Variants in RPS6KA5 observed in about 807,000 individuals in gnomAD.
RPS6KA5 encodes ribosomal protein S6 kinase alpha-5.
Under a neutral mutation model 85.5 loss-of-function variants are expected in RPS6KA5, and 27 were observed. The observed-to-expected ratio is 0.32, with a 90% CI of 0.23 to 0.44. The LOEUF (loss-of-function observed/expected upper bound fraction) is 0.44, where lower values mean the gene tolerates loss of function less well. Among genes scored for constraint, RPS6KA5 ranks in the 20% least tolerant of loss-of-function variants. RPS6KA5 has a pLI of 1.00. For synonymous variants in RPS6KA5, 334 were observed against 348.2 expected (o/e 0.96, Z 0.46); for missense variants, 811 against 980.9 (o/e 0.83, Z 2.31).
At chr14:90,906,025 G>A (rs776345931) in intron 8 of RPS6KA5, 124 bp downstream of exon 8, 76 of 909,462 alleles carry the variant, frequency 8.4e-5, no homozygotes, top group Non-Finnish European at 1.1e-4. Flanking sequence ...AAGGTGCAAT[G>A]TACGTGAAAA....
At chr14:90,985,093 C>A (rs539011956) in intron 2 of RPS6KA5, among the ~76,000 whole-genome samples, 1 of 152,154 alleles carries the variant, frequency 6.6e-6, no homozygotes, top group South Asian at 2.1e-4. Context: ...ACGCATGCGC[C>A]ACCACGCCCA....
In RPS6KA5 at chr14:90,856,360, A is replaced by ATTT. The variant is rs756400550; in HGVS notation, c.*15711_*15713dup. On this transcript the variant is annotated 3_prime_UTR_variant, in exon 17 of 17. Coordinates refer to ENST00000614987, the MANE Select transcript of RPS6KA5 (RefSeq NM_004755.4). Reference sequence around the variant, plus strand: ...GCTACAGCCTTTCTAGCTATGCGTGATTTTTTTTTTTTTTTTTTTTGAGAC... The same window carrying ATTT: ...GCTACAGCCTTTCTAGCTATGCGTGATTTTTTTTTTTTTTTTTTTTTTTGAGAC... 7.3e-3 allele frequency: 928 copies of ATTT among 126,600 alleles called. 26 individuals carry two copies. The highest frequency in any genetic ancestry group is 0.026 in the African/African-American group (864 of 32,670). The allele number at this position is 126,600 out of a possible 1,614,324, so 7.8% of individuals were successfully genotyped here.
Position 90,947,451 on chromosome 14 carries a change from A to T in RPS6KA5, c.494T>A (p.Leu165His). The change falls in exon 4 of 17, where the codon CTC becomes CAC. Residue 165 changes from leucine to histidine, a missense_variant. This residue lies in a region of RPS6KA5 where 650 missense variants were observed against 793.4 expected (regional missense o/e 0.82). Coordinates refer to ENST00000614987, the MANE Select transcript of RPS6KA5 (RefSeq NM_004755.4). ...GAGTCTTACCTTGTGGAGATGTTCG[A>T]GGGCAAGCACAATCTCTCCAACATA... is the stretch of plus-strand genomic sequence containing the variant. ...QIYVGEIVLA[L>H]EHLHKLGIIY... 1 of 1,604,120 alleles carries T rather than the reference A, an allele frequency of 6.2e-7. No individual in the cohort carries two copies. The highest frequency in any genetic ancestry group is 8.5e-7 in the Non-Finnish European group (1 of 1,171,050).
At chr14:90,952,196 TA>T (rs1280659411) in intron 3 of RPS6KA5, among the ~76,000 whole-genome samples, 2 of 152,232 alleles carry the variant, frequency 1.3e-5, no homozygotes, top group Non-Finnish European at 2.9e-5. Flanking sequence ...AGAGTTGTGT[TA>T]AGCCTCCTTA....
intron 3 of RPS6KA5, among the ~76,000 whole-genome samples, chr14:90,976,202 GAAAAAAAAAAA>G (rs5810526): frequency 5.5e-5 from 6 of 109,068 alleles, no homozygotes; most frequent in South Asian, 3.1e-4. Context: ...TAAGAGAACA[GAAAAAAAAAAA>G]AAAAAAAAAG....
chr14:90,944,554 G>A (rs1201182673), intron 4 of RPS6KA5, among the ~76,000 whole-genome samples: 31 of 152,094 alleles, frequency 2.0e-4, no homozygotes, highest in African/African-American at 5.8e-4. Context: ...TCAAGAGTTC[G>A]AGACCAGCCT....
At chr14:91,020,775 T>C (rs1434910195) in intron 1 of RPS6KA5, among the ~76,000 whole-genome samples, 1 of 152,068 alleles carries the variant, frequency 6.6e-6, no homozygotes, top group African/African-American at 2.4e-5. Flanking sequence ...TAATCAGATA[T>C]TGCCTTTATT....
rs2032952416 is a variant in RPS6KA5 at position 90,869,327 on chromosome 14, A to C, written c.*2747T>G. 6.6e-6 allele frequency: 1 copy of C among 152,194 alleles called. No homozygotes were observed. The highest frequency in any genetic ancestry group is 2.1e-4 in the South Asian group (1 of 4,832). 9.4% of individuals were successfully genotyped at this position (152,194 alleles called of 1,614,324 possible). On this transcript the variant is annotated 3_prime_UTR_variant, in exon 17 of 17. Coordinates refer to ENST00000614987, the MANE Select transcript of RPS6KA5 (RefSeq NM_004755.4). ...CAGGCCTGAGCCACCACACTCAGCC[A>C]ATCAATTTCAAAATGCTAATTAACC...
chr14:90,945,467 C>T (rs1261768219), intron 4 of RPS6KA5, among the ~76,000 whole-genome samples: 1 of 152,192 alleles, frequency 6.6e-6, no homozygotes, highest in African/African-American at 2.4e-5. Flanking sequence ...TCTGCGTCAC[C>T]TCATCACTTG....
chr14:90,933,840 C>G (rs1046905753), intron 5 of RPS6KA5, among the ~76,000 whole-genome samples: 1 of 152,172 alleles, frequency 6.6e-6, no homozygotes, highest in African/African-American at 2.4e-5. Context: ...ATGCCCACAA[C>G]GGCCTCTAAC....
intron 1 of RPS6KA5, among the ~76,000 whole-genome samples, chr14:91,005,569 C>T (rs1258756447): frequency 6.6e-6 from 1 of 151,950 alleles, no homozygotes; most frequent in Non-Finnish European, 1.5e-5. Context: ...AATGACAAAA[C>T]ACATAAGAAG....
intron 14 of RPS6KA5, among the ~76,000 whole-genome samples, chr14:90,876,801 T>C (rs1438938977): frequency 6.6e-6 from 1 of 152,174 alleles, no homozygotes; most frequent in African/African-American, 2.4e-5. Flanking sequence ...GGAGGCTCAG[T>C]GTCAACCCCA....
intron 3 of RPS6KA5, among the ~76,000 whole-genome samples, chr14:90,976,287 T>C (rs1214159716): frequency 6.6e-6 from 1 of 151,858 alleles, no homozygotes; most frequent in Non-Finnish European, 1.5e-5. Flanking sequence ...GAACCTGTTT[T>C]CTTACCAGCT....
Position 91,001,078 on chromosome 14 carries a change from TA to T in RPS6KA5, c.175+9del. On this transcript the variant is annotated intron_variant, in intron 2 of 16. Coordinates refer to ENST00000614987, the MANE Select transcript of RPS6KA5 (RefSeq NM_004755.4). ...TTTTTTTCCTTAAATATAATTAACT[TA>T]AGACTTACCTCCAGTTCCTAGGACC... The T allele has an allele frequency of 6.7e-7, 1 of 1,496,552 alleles. No individual in the cohort carries two copies. The highest frequency in any genetic ancestry group is 9.2e-7 in the Non-Finnish European group (1 of 1,087,734). The allele number at this position is 1,496,552 out of a possible 1,614,324, so 92.7% of individuals were successfully genotyped here.
At chr14:90,956,542 CTTTT>C (rs2038521594) in intron 3 of RPS6KA5, among the ~76,000 whole-genome samples, 1 of 152,016 alleles carries the variant, frequency 6.6e-6, no homozygotes, top group Non-Finnish European at 1.5e-5. Flanking sequence ...TGCAATTTTA[CTTTT>C]TTGTTTTCTA....
At chr14:91,013,463 TA>T (rs372862679) in intron 1 of RPS6KA5, among the ~76,000 whole-genome samples, 11 of 143,642 alleles carry the variant, frequency 7.7e-5, no homozygotes, top group Non-Finnish European at 7.7e-5. Flanking sequence ...AACAGCAGGG[TA>T]AAAAAAAAAG....
intron 7 of RPS6KA5, among the ~76,000 whole-genome samples, chr14:90,914,219 G>A (rs1049350325): frequency 2.6e-5 from 4 of 151,734 alleles, no homozygotes; most frequent in South Asian, 2.1e-4. Flanking sequence ...CCAGGTCTCC[G>A]GTGAGAGACT....
At chr14:90,899,261 G>A (rs546130183) in intron 12 of RPS6KA5, 68 bp downstream of exon 12, 110 of 1,094,546 alleles carry the variant, frequency 1.0e-4, no homozygotes, top group Admixed American at 4.9e-4. Flanking sequence ...CCAACAAAAC[G>A]CGTGAAAAGT....
chr14:90,986,286 C>T (rs552377476), intron 2 of RPS6KA5, among the ~76,000 whole-genome samples: 7 of 152,210 alleles, frequency 4.6e-5, no homozygotes, highest in East Asian at 1.9e-4. Context: ...CTGTGTCATA[C>T]GAGAGAATTT....
Sources: gnomAD v4.1 joint callset for allele counts (sites outside exome capture counted in the v4.1 genomes callset) on GRCh38, gnomAD v4.1.1 for gene constraint, gnomAD v4.1.1 regional missense constraint, MANE v1.5 for transcripts, NCBI Gene and HGNC (gene_info 2026-07-23, HGNC 2026-07-21) for gene names.